Variants in C16orf95 observed in about 807,000 individuals in gnomAD.
C16orf95 encodes the protein uncharacterized protein C16orf95.
Under a neutral mutation model 32.1 loss-of-function variants are expected in C16orf95, and 41 were observed. The ratio of observed to expected loss-of-function variants is 1.28; its 90% CI spans 1.00 to 1.66. The LOEUF (loss-of-function observed/expected upper bound fraction) is 1.66. Ranked by LOEUF, C16orf95 falls within the 40% of genes most tolerant of loss-of-function variation. C16orf95 has a pLI of 0.00. For missense variants in C16orf95, 399 were observed against 325.9 expected (o/e 1.22, Z -1.73); for synonymous variants, 147 against 128.9 (o/e 1.14, Z -0.95).
intron 1 of C16orf95, 33 bp downstream of exon 1, chr16:87,317,058 G>C: frequency 2.0e-6 from 3 of 1,478,006 alleles, no homozygotes; most frequent in Admixed American, 2.2e-5. Flanking sequence ...CGAGGTGTCG[G>C]GTAGCCGCGG....
chr16:87,310,184 A>G, intron 5 of C16orf95, 113 bp downstream of exon 5: 2 of 1,071,344 alleles, frequency 1.9e-6, no homozygotes, highest in Non-Finnish European at 2.8e-6. Context: ...TGTCACTGTC[A>G]CACTGTGGGC....
chr16:87,307,927 A>T (rs999408733), intron 5 of C16orf95, among the ~76,000 whole-genome samples: 6 of 152,198 alleles, frequency 3.9e-5, no homozygotes, highest in African/African-American at 1.4e-4. Context: ...CTTTTTTTAC[A>T]TCATTAACTG....
chr16:87,305,058 G>A lies in C16orf95; in HGVS notation c.701+661C>T, dbSNP rs934308760. On this transcript the variant is annotated intron_variant, in intron 6 of 6. Transcript: ENST00000567970. The surrounding 1 kb of genome is among the most constrained non-coding windows in gnomAD (Gnocchi z 4.2). ...TGAGGAGGAGGAGGAGAGGAGAGAG[G>A]CTTTGCAGAGGAGCCACCGCCTAGG... 2.0e-5 allele frequency among the ~76,000 whole-genome samples: 3 copies of A among 152,204 alleles called. No individual in the cohort carries two copies. The highest frequency in any genetic ancestry group is 4.4e-5 in the Non-Finnish European group (3 of 68,038).
chr16:87,302,929 C>G lies in C16orf95; in HGVS notation c.*128G>C. ...TGATGAGAAATCATTTGGGTTGAAT[C>G]CTGGGTGTGGATTCTGTTCTGAGAA... On this transcript the variant is annotated 3_prime_UTR_variant, in exon 7 of 7. Transcript: ENST00000567970. The G allele has an allele frequency of 1.0e-6, 1 of 967,884 alleles. No homozygotes were observed. 60.0% of individuals were successfully genotyped at this position (967,884 alleles called of 1,614,324 possible).
intron 1 of C16orf95, among the ~76,000 whole-genome samples, chr16:87,316,652 G>T (rs7197604): frequency 1.2e-4 from 18 of 151,994 alleles, no homozygotes; most frequent in Admixed American, 7.2e-4. Flanking sequence ...GGTGGGGAGG[G>T]GGGGGGCCAC....
At chr16:87,306,009 C>G in intron 5 of C16orf95, 104 bp from the exon 6 acceptor site, 1 of 884,660 alleles carries the variant, frequency 1.1e-6, no homozygotes, top group Non-Finnish European at 1.6e-6. Flanking sequence ...GAAATGGGGA[C>G]TTCCAGGACC....
Position 87,302,915 on chromosome 16 carries a change from C to G in C16orf95, c.*142G>C. The G allele has an allele frequency of 2.4e-6, 2 of 850,456 alleles. No homozygotes were observed. The highest frequency in any genetic ancestry group is 3.8e-6 in the Non-Finnish European group (2 of 528,922). The allele number at this position is 850,456 out of a possible 1,614,324, so 52.7% of individuals were successfully genotyped here. A position where few individuals can be genotyped will look rare whatever the true frequency, so the allele number is the denominator to read the frequency against. On this transcript the variant is annotated 3_prime_UTR_variant, in exon 7 of 7. Transcript: ENST00000567970. ...AACCAAGAATCACCTGATGAGAAAT[C>G]ATTTGGGTTGAATCCTGGGTGTGGA... is the stretch of plus-strand genomic sequence containing the variant.
Position 87,305,992 on chromosome 16 carries a change from C to G in C16orf95, c.515-87G>C. ...GGAGGCTGCAACACCAGCCCCAGAGCCTCCGGGAAATGGGGACTTCCAGGA... is the reference window on the plus strand; with the variant it reads ...GGAGGCTGCAACACCAGCCCCAGAGGCTCCGGGAAATGGGGACTTCCAGGA... On this transcript the variant is annotated intron_variant, in intron 5 of 6. Coordinates refer to ENST00000567970, the MANE Select transcript of C16orf95 (RefSeq NM_001195124.3). This position sits in a 1 kb window ranked among gnomAD's most constrained non-coding sequence, Gnocchi z 4.2. 4 of 1,095,478 alleles carry G rather than the reference C, an allele frequency of 3.7e-6. No homozygotes were observed. Among genetic ancestry groups the G allele is most frequent in the Non-Finnish European group, 4.8e-6 (4 of 830,110 alleles). The allele number at this position is 1,095,478 out of a possible 1,614,324, so 67.9% of individuals were successfully genotyped here.
rs1278257548 is a variant in C16orf95, at chr16:87,314,952, C to A, written c.330+19G>T. 2.0e-6 allele frequency: 3 copies of A among 1,535,018 alleles called. No homozygotes were observed. Among genetic ancestry groups the A allele is most frequent in the Non-Finnish European group, 2.6e-6 (3 of 1,146,320 alleles). ...CACCCTGGACCCTAGGGGAAGACCT[C>A]CTGGTTCAAGTCACCTACCTGCTTT... is the stretch of plus-strand genomic sequence containing the variant. On this transcript the variant is annotated intron_variant, in intron 3 of 6. Coordinates refer to ENST00000567970, the MANE Select transcript of C16orf95 (RefSeq NM_001195124.3).
chr16:87,316,354 C>T (rs573056390), intron 1 of C16orf95, among the ~76,000 whole-genome samples: 1 of 152,252 alleles, frequency 6.6e-6, no homozygotes, highest in African/African-American at 2.4e-5. Context: ...TGTTCCACTC[C>T]CCAACAAACT....
rs1904367074 is a variant in C16orf95, at chr16:87,316,990, G to A, written c.152+101C>T. The A allele has an allele frequency of 5.7e-6, 8 of 1,393,322 alleles. No homozygotes were observed. In the South Asian group the frequency reaches 1.1e-4, roughly 19 times the overall value. The allele number at this position is 1,393,322 out of a possible 1,614,324, so 86.3% of individuals were successfully genotyped here. On this transcript the variant is annotated intron_variant, in intron 1 of 6. Coordinates refer to ENST00000567970, the MANE Select transcript of C16orf95 (RefSeq NM_001195124.3). The stretch of plus-strand genomic sequence containing the variant: ...GTAAGTGAGGTTCCTGTGGGTGGCG[G>A]TCAAGAGTTCTGCCTGTGCATAGGT...
intron 3 of C16orf95, among the ~76,000 whole-genome samples, chr16:87,313,888 C>G (rs1436338969): frequency 6.6e-6 from 1 of 151,974 alleles, no homozygotes; most frequent in Non-Finnish European, 1.5e-5. Context: ...AAACAGATGC[C>G]TCATCGAGTA....
In C16orf95 at chr16:87,305,873, A is replaced by G; in HGVS notation, c.547T>C (p.Cys183Arg). 6.9e-7 allele frequency: 1 copy of G among 1,443,504 alleles called. No homozygotes were observed. Among genetic ancestry groups the G allele is most frequent in the Non-Finnish European group, 9.1e-7 (1 of 1,101,968 alleles). The allele number at this position is 1,443,504 out of a possible 1,614,324, so 89.4% of individuals were successfully genotyped here. ...CACTCATCACCGCAGATCCGCCAGCAGTTGTGCCAGCAGCATGCATCCAGC... is the reference window on the plus strand; with the variant it reads ...CACTCATCACCGCAGATCCGCCAGCGGTTGTGCCAGCAGCATGCATCCAGC... ...PLLDACCWHN[C>R]WRICGDECLL... The change falls in exon 6 of 7, where the codon TGC becomes CGC. Residue 183 changes from cysteine (C) to arginine (R), a missense_variant. Coordinates refer to ENST00000567970, the MANE Select transcript of C16orf95 (RefSeq NM_001195124.3). The surrounding 1 kb of genome is among the most constrained non-coding windows in gnomAD (Gnocchi z 4.2).
intron 2 of C16orf95, among the ~76,000 whole-genome samples, chr16:87,315,431 A>G (rs1904312578): frequency 6.6e-6 from 1 of 152,224 alleles, no homozygotes; most frequent in African/African-American, 2.4e-5. Flanking sequence ...TGCTGCCTTT[A>G]TGGCCATCTG....
At chr16:87,313,926 A>G (rs1911392776) in intron 3 of C16orf95, among the ~76,000 whole-genome samples, 1 of 152,212 alleles carries the variant, frequency 6.6e-6, no homozygotes, top group South Asian at 2.1e-4. Flanking sequence ...AAGCACATGA[A>G]GAGATCCTTG....
At position 87,315,767 on chromosome 16, in the gene C16orf95, C is replaced by T. The variant is rs765819998; in HGVS notation, c.204+5G>A. On this transcript the variant is annotated splice_donor_5th_base_variant and intron_variant, in intron 2 of 6. Transcript: ENST00000567970. ...GGCCAGTGGCTGAGGATTTGCTTTC[C>T]TTACCGAATGACGGGGGAGGCACAC... 5.2e-6 allele frequency: 8 copies of T among 1,528,836 alleles called. No homozygotes were observed. The South Asian group carries it at 7.3e-5, about 14-fold the overall frequency. 94.7% of individuals were successfully genotyped at this position (1,528,836 alleles called of 1,614,324 possible).
At chr16:87,303,271 C>A (rs1237214295) in intron 6 of C16orf95, 196 bp from the exon 7 acceptor site, 6 of 584,152 alleles carry the variant, frequency 1.0e-5, no homozygotes, top group African/African-American at 1.9e-5. Flanking sequence ...CGCTTTCCAG[C>A]CGCAGGACTG....
At chr16:87,304,538 AAAG>A (rs1910924043) in intron 6 of C16orf95, among the ~76,000 whole-genome samples, 1 of 152,186 alleles carries the variant, frequency 6.6e-6, no homozygotes, top group African/African-American at 2.4e-5. Context: ...ACAAAGAAGG[AAAG>A]CTCTCGCTGT....
chr16:87,315,198 C>G, intron 2 of C16orf95, 102 bp from the exon 3 acceptor site: 1 of 1,273,588 alleles, frequency 7.9e-7, no homozygotes. Context: ...AAGATGGTGT[C>G]CGGGGGCAGG....
Sources: gnomAD v4.1 joint callset for allele counts (sites outside exome capture counted in the v4.1 genomes callset) on GRCh38, gnomAD v4.1.1 for gene constraint, Gnocchi (gnomAD v3.1) non-coding constraint, MANE v1.5 for transcripts, NCBI Gene and HGNC (gene_info 2026-07-23, HGNC 2026-07-21) for gene names.